The following GRM1 variants were observed in gnomAD, a reference collection of about 807,000 sequenced individuals.
GRM1 encodes the protein metabotropic glutamate receptor 1.
Under a neutral mutation model 90.9 loss-of-function variants are expected in GRM1, and 33 were observed. That is an observed-to-expected ratio of 0.36 (90% CI 0.28 to 0.49). The LOEUF (loss-of-function observed/expected upper bound fraction) is 0.49, where lower values mean the gene tolerates loss of function less well. GRM1 is among the 20% of genes least tolerant of loss of function. GRM1 has a pLI of 0.99. For missense variants in GRM1, 1,190 were observed against 1,534.3 expected, an observed-to-expected ratio of 0.78 and a Z score of 3.75; for synonymous variants, 700 against 613.2, an observed-to-expected ratio of 1.14 and a Z score of -2.09.
chr6:146,375,263 A>G (rs557277167), intron 5 of GRM1, among the ~76,000 whole-genome samples: 20 of 152,104 alleles, frequency 1.3e-4, no homozygotes, highest in African/African-American at 4.8e-4. Flanking sequence ...AATTTTTTGA[A>G]TGTATTAATA....
intron 5 of GRM1, among the ~76,000 whole-genome samples, chr6:146,386,327 T>A (rs184304903): frequency 1.2e-4 from 19 of 152,192 alleles, no homozygotes; most frequent in African/African-American, 4.6e-4. Flanking sequence ...ATCTTTTGAA[T>A]TCACTAGAGA....
chr6:146,085,728 G>T (rs759537907), intron 1 of GRM1, among the ~76,000 whole-genome samples: 75 of 152,130 alleles, frequency 4.9e-4, no homozygotes, highest in South Asian at 1.7e-3. Flanking sequence ...TGTTCTTTTC[G>T]ATTATACATT....
intron 2 of GRM1, among the ~76,000 whole-genome samples, chr6:146,217,417 A>G (rs781320270): frequency 3.9e-5 from 6 of 152,212 alleles, no homozygotes; most frequent in Non-Finnish European, 7.3e-5. Flanking sequence ...GATAAAAATC[A>G]TGATTCATAA....
rs574135006 is a variant in GRM1, at chr6:146,393,249, C to T, written c.1730-5520C>T. ...TTCTAACTGGCATGAGATGGTGTCT[C>T]GTTGTGCTTTTGATTTGCATTTCTC... On this transcript the variant is annotated intron_variant, in intron 6 of 7. Coordinates refer to ENST00000282753, the MANE Select transcript of GRM1 (RefSeq NM_001278064.2). Among the ~76,000 whole-genome samples the T allele has an allele frequency of 2.7e-3, 418 of 152,208 alleles. 3 individuals are homozygous for T. The highest frequency in any genetic ancestry group is 9.6e-3 in the African/African-American group (399 of 41,530).
rs537672920 is a variant in GRM1, at chr6:146,163,584, CTGTTAATTAGTAAGTT to C, written c.950+3991_950+4006del. 5.6e-3 allele frequency among the ~76,000 whole-genome samples: 845 copies of C among 152,224 alleles called. 2 individuals carry two copies. The highest frequency in any genetic ancestry group is 0.01 in the Middle Eastern group (3 of 294). On this transcript the variant is annotated intron_variant, in intron 2 of 7. Transcript: ENST00000282753. The stretch of plus-strand genomic sequence containing the variant: ...AGGGACTGCAACATCAGAATCTGTG[CTGTTAATTAGTAAGTT>C]TGTGGGGTAATGGAAAAACAAAACA...
intron 5 of GRM1, among the ~76,000 whole-genome samples, chr6:146,365,867 G>A (rs998198391): frequency 1.3e-5 from 2 of 152,200 alleles, no homozygotes; most frequent in African/African-American, 4.8e-5. Context: ...ACTTCAAGGA[G>A]GCGGTCACTC....
At chr6:146,258,921 A>G (rs1169626051) in intron 2 of GRM1, among the ~76,000 whole-genome samples, 1 of 152,182 alleles carries the variant, frequency 6.6e-6, no homozygotes, top group Non-Finnish European at 1.5e-5. Flanking sequence ...CATTGAAATA[A>G]TAGATATACA....
intron 2 of GRM1, among the ~76,000 whole-genome samples, chr6:146,206,068 G>T (rs1779484333): frequency 1.3e-5 from 2 of 152,162 alleles, no homozygotes; most frequent in African/African-American, 4.8e-5. Context: ...AGAGAAGTGG[G>T]GACATCTGCC....
At chr6:146,240,645 T>C (rs927160923) in intron 2 of GRM1, among the ~76,000 whole-genome samples, 30 of 152,078 alleles carry the variant, frequency 2.0e-4, no homozygotes, top group African/African-American at 7.2e-4. Flanking sequence ...GGGTCAATCT[T>C]TGGTGACACA....
intron 5 of GRM1, among the ~76,000 whole-genome samples, chr6:146,358,397 G>A (rs111969041): frequency 1.3e-5 from 2 of 152,322 alleles, no homozygotes; most frequent in African/African-American, 2.4e-5. Context: ...CAAACTGGGG[G>A]ATGCGCTAGG....
intron 3 of GRM1, among the ~76,000 whole-genome samples, chr6:146,324,697 G>A (rs923327968): frequency 1.4e-4 from 22 of 152,080 alleles, no homozygotes; most frequent in Non-Finnish European, 2.2e-4. Context: ...GACCCTTTGC[G>A]CTTCCCAGGT....
At chr6:146,398,156 A>G (rs1158279113) in intron 6 of GRM1, among the ~76,000 whole-genome samples, 2 of 152,212 alleles carry the variant, frequency 1.3e-5, no homozygotes, top group African/African-American at 4.8e-5. Flanking sequence ...TACTAACTCA[A>G]AGGCCCTCAG....
At chr6:146,187,540 T>C (rs1042379669) in intron 2 of GRM1, among the ~76,000 whole-genome samples, 3 of 152,026 alleles carry the variant, frequency 2.0e-5, no homozygotes, top group African/African-American at 7.2e-5. Flanking sequence ...TTTTAGAATT[T>C]GTCCATGGCA....
chr6:146,376,831 A>G (rs1449589888), intron 5 of GRM1, among the ~76,000 whole-genome samples: 1 of 152,032 alleles, frequency 6.6e-6, no homozygotes, highest in East Asian at 1.9e-4. Context: ...TCAAATCGTA[A>G]CTCTCATAAT....
chr6:146,237,356 G>A (rs995203839), intron 2 of GRM1, among the ~76,000 whole-genome samples: 1 of 150,128 alleles, frequency 6.7e-6, no homozygotes, highest in African/African-American at 2.5e-5. Flanking sequence ...GTAAAGCCTA[G>A]CTTTCAAAGG....
At chr6:146,254,778 C>G (rs1583227960) in intron 2 of GRM1, among the ~76,000 whole-genome samples, 2 of 152,148 alleles carry the variant, frequency 1.3e-5, no homozygotes, top group East Asian at 3.9e-4. Context: ...AATATTAGTA[C>G]ATTGTACCAA....
intron 1 of GRM1, among the ~76,000 whole-genome samples, chr6:146,037,807 T>C (rs1790945736): frequency 6.6e-6 from 1 of 152,024 alleles, no homozygotes; most frequent in South Asian, 2.1e-4. Context: ...ATAACTATTT[T>C]ATTTATAAAT....
At chr6:146,213,104 T>A (rs1219312923) in intron 2 of GRM1, among the ~76,000 whole-genome samples, 1 of 151,916 alleles carries the variant, frequency 6.6e-6, no homozygotes, top group East Asian at 1.9e-4. Context: ...TTTCTAATGA[T>A]TTTTTTTCTA....
chr6:146,156,627 C>T (rs1480601817), intron 1 of GRM1, among the ~76,000 whole-genome samples: 2 of 152,184 alleles, frequency 1.3e-5, no homozygotes, highest in African/African-American at 2.4e-5. Flanking sequence ...CTGCTTAGCT[C>T]TTTCCTACTG....
Sources: gnomAD v4.1 joint callset for allele counts (sites outside exome capture counted in the v4.1 genomes callset) on GRCh38, gnomAD v4.1.1 for gene constraint, MANE v1.5 for transcripts, NCBI Gene and HGNC (gene_info 2026-07-23, HGNC 2026-07-21) for gene names.